DIAPH2: variants seen among roughly 807,000 people sequenced by gnomAD.
The protein encoded by DIAPH2 is diaphanous related formin 2.
A neutral mutation model predicts 92.7 loss-of-function variants in DIAPH2; 35 were observed. The observed-to-expected ratio is 0.38, with a 90% CI of 0.29 to 0.50. The LOEUF (loss-of-function observed/expected upper bound fraction) is 0.50. Ranked by LOEUF, DIAPH2 falls within the 20% of genes least tolerant of loss-of-function variation. DIAPH2 has a pLI of 0.94. For synonymous variants in DIAPH2, 301 were observed against 280.4 expected (o/e 1.07, Z -0.73); for missense variants, 701 against 819.5 (o/e 0.86, Z 1.77).
At chrX:97,539,615 T>C (rs1185701936) in intron 26 of DIAPH2, among the ~76,000 whole-genome samples, 1 of 112,145 alleles carries the variant, frequency 8.9e-6, no homozygotes, top group East Asian at 2.8e-4. Context: ...TAGACAGATA[T>C]GTATAACTTC....
At chrX:97,452,092 T>C (rs1191652600) in intron 26 of DIAPH2, among the ~76,000 whole-genome samples, 4 of 111,220 alleles carry the variant, frequency 3.6e-5, no homozygotes, top group Non-Finnish European at 7.6e-5. Flanking sequence ...ACACCAATAT[T>C]TTGCTTGGAT....
intron 26 of DIAPH2, among the ~76,000 whole-genome samples, chrX:97,570,606 C>T (rs777099765): frequency 1.6e-4 from 18 of 110,613 alleles, no homozygotes; most frequent in Admixed American, 9.7e-4. Context: ...CAGTTAATCT[C>T]CTCTCTAGTG....
chrX:97,520,637 C>T (rs1414174576), intron 26 of DIAPH2, among the ~76,000 whole-genome samples: 1 of 111,693 alleles, frequency 9.0e-6, no homozygotes, highest in African/African-American at 3.2e-5. Flanking sequence ...CAACAAAGGC[C>T]CATTAAAGTT....
chrX:96,980,384 G>T (rs1315715908), intron 17 of DIAPH2, among the ~76,000 whole-genome samples: 2 of 111,141 alleles, frequency 1.8e-5, no homozygotes, highest in Non-Finnish European at 3.8e-5. Flanking sequence ...TCCCTCTGAA[G>T]TCAAGCTGCT....
intron 23 of DIAPH2, among the ~76,000 whole-genome samples, chrX:97,264,202 A>G (rs149611866): frequency 9.9e-5 from 11 of 111,568 alleles, no homozygotes; most frequent in African/African-American, 3.3e-4. Flanking sequence ...CAGCTGCTGT[A>G]GAGATATTTA....
rs2071611143 is a variant in DIAPH2 at position 97,604,728 on chromosome X, A to C, written c.*5411A>C. On this transcript the variant is annotated 3_prime_UTR_variant, in exon 27 of 27. Coordinates refer to ENST00000324765, the MANE Select transcript of DIAPH2 (RefSeq NM_006729.5). ...GCAGGCACAAAACTACCTCTGATACAGAAGGGTTCTTTACAAGCTTATTTT... is the reference window on the plus strand; with the variant it reads ...GCAGGCACAAAACTACCTCTGATACCGAAGGGTTCTTTACAAGCTTATTTT... 8.9e-6 allele frequency: 1 copy of C among 112,337 alleles called. No individual in the cohort carries two copies. Among genetic ancestry groups the C allele is most frequent in the Admixed American group, 9.5e-5 (1 of 10,558 alleles). 9.3% of individuals were successfully genotyped at this position (112,337 alleles called of 1,213,427 possible).
At chrX:97,058,783 C>G (rs1306271559) in intron 17 of DIAPH2, among the ~76,000 whole-genome samples, 2 of 110,954 alleles carry the variant, frequency 1.8e-5, no homozygotes, top group Non-Finnish European at 3.8e-5. Context: ...ATAATATTTC[C>G]TGAGCATCAT....
chrX:97,255,256 G>A (rs975621517), intron 23 of DIAPH2, among the ~76,000 whole-genome samples: 1 of 110,871 alleles, frequency 9.0e-6, no homozygotes, highest in Admixed American at 9.7e-5. Flanking sequence ...TCTCAAATGG[G>A]AAAAAAAATG....
intron 24 of DIAPH2, among the ~76,000 whole-genome samples, chrX:97,354,226 C>G (rs2069244508): frequency 8.9e-6 from 1 of 111,884 alleles, no homozygotes; most frequent in Non-Finnish European, 1.9e-5. Context: ...TGACTGGTAT[C>G]TGTGTCTTCT....
chrX:96,781,225 A>C (rs921919404), intron 4 of DIAPH2, among the ~76,000 whole-genome samples: 1 of 111,947 alleles, frequency 8.9e-6, no homozygotes, highest in Admixed American at 9.5e-5. Flanking sequence ...CAGCAGGTAT[A>C]CTAAGCTGTA....
chrX:97,139,853 GA>G (rs1427804061), intron 21 of DIAPH2, among the ~76,000 whole-genome samples: 1 of 107,190 alleles, frequency 9.3e-6, no homozygotes, highest in Non-Finnish European at 2.0e-5. Flanking sequence ...ATGTGACAAA[GA>G]AAAAAAATCA....
In DIAPH2 at chrX:96,962,320, TATACAC is replaced by T. The variant is rs1471297141; in HGVS notation, c.1936-2769_1936-2764del. On this transcript the variant is annotated intron_variant, in intron 16 of 26. Coordinates refer to ENST00000324765, the MANE Select transcript of DIAPH2 (RefSeq NM_006729.5). ...ATATACATATATATATACATATATA[TATACAC>T]ATATATATATACATATATATATATA... Among the ~76,000 whole-genome samples the T allele has an allele frequency of 1.1e-3, 57 of 53,723 alleles. 1 individual carries two copies. Among genetic ancestry groups the T allele is most frequent in the South Asian group, 3.5e-3 (3 of 862 alleles). The allele number at this position is 53,723 out of a possible 115,157, so 46.7% of individuals were successfully genotyped here.
intron 23 of DIAPH2, among the ~76,000 whole-genome samples, chrX:97,299,165 G>A (rs189072519): frequency 1.8e-5 from 2 of 111,852 alleles, no homozygotes; most frequent in East Asian, 5.6e-4. Flanking sequence ...CTAGCTGTGA[G>A]GACTAAATGA....
intron 1 of DIAPH2, among the ~76,000 whole-genome samples, chrX:96,693,998 G>A (rs1209708602): frequency 8.9e-6 from 1 of 112,608 alleles, no homozygotes; most frequent in African/African-American, 3.2e-5. Flanking sequence ...TTGCACCATT[G>A]TACTCTAGCA....
intron 24 of DIAPH2, among the ~76,000 whole-genome samples, chrX:97,360,418 C>T (rs372545108): frequency 3.6e-4 from 38 of 105,728 alleles, no homozygotes; most frequent in African/African-American, 1.3e-3. Flanking sequence ...TCGAGACCAG[C>T]CTGGCCAACA....
chrX:96,917,784 T>G (rs922743504), intron 8 of DIAPH2, among the ~76,000 whole-genome samples: 2 of 110,679 alleles, frequency 1.8e-5, no homozygotes, highest in Non-Finnish European at 3.8e-5. Flanking sequence ...TCTTTTTTCT[T>G]TTTCCATTGT....
chrX:96,883,905 G>C (rs1191891443), intron 5 of DIAPH2: 2 of 128,166 alleles, frequency 1.6e-5, no homozygotes, highest in African/African-American at 6.4e-5. Context: ...ATAAAGAGGG[G>C]GGCTAGTAAA....
intron 17 of DIAPH2, among the ~76,000 whole-genome samples, chrX:96,975,352 A>C (rs2065953889): frequency 8.9e-6 from 1 of 111,948 alleles, no homozygotes; most frequent in Admixed American, 9.5e-5. Flanking sequence ...AGTGTAATTC[A>C]TCTTTGCCTT....
rs1398092555 is a variant in DIAPH2 at position 96,834,361 on chromosome X, C to T, written c.448-47218C>T. 4.5e-5 allele frequency among the ~76,000 whole-genome samples: 5 copies of T among 111,865 alleles called. No individual in the cohort carries two copies. The South Asian group carries it at 1.1e-3, about 25-fold the overall frequency. On this transcript the variant is annotated intron_variant, in intron 4 of 26. Transcript: ENST00000324765. ...CTAACAGGGATACCCACACTGGACT[C>T]GGGTGGTAATCTGCAGCAGCTAGTG...
Sources: gnomAD v4.1 joint callset for allele counts (sites outside exome capture counted in the v4.1 genomes callset) on GRCh38, gnomAD v4.1.1 for gene constraint, MANE v1.5 for transcripts, NCBI Gene and HGNC (gene_info 2026-07-23, HGNC 2026-07-21) for gene names.